BRF1: variants seen among roughly 807,000 people sequenced by gnomAD.
BRF1 encodes the protein transcription factor IIIB 90 kDa subunit.
A neutral mutation model predicts 81.7 loss-of-function variants in BRF1; 59 were observed. That is an observed-to-expected ratio of 0.72 (90% confidence interval 0.59 to 0.90). The LOEUF is 0.90. BRF1 is among the 40% of genes least tolerant of loss of function. BRF1 has a pLI of 0.00. For missense variants in BRF1, 1,050 were observed against 936.3 expected (o/e 1.12, Z -1.58); for synonymous variants, 491 against 395.6 (o/e 1.24, Z -2.86).
At chr14:105,272,141 G>A (rs1413160509) in intron 3 of BRF1, among the ~76,000 whole-genome samples, 1 of 123,962 alleles carries the variant, frequency 8.1e-6, no homozygotes, top group African/African-American at 3.0e-5. Flanking sequence ...CTCGCCCACC[G>A]CCTGCGGTCA....
Position 105,209,799 on chromosome 14 carries a change from C to T in BRF1, c.*752G>A, listed in dbSNP as rs896138035. The T allele has an allele frequency of 1.5e-5, 8 of 520,750 alleles. No homozygotes were observed. The highest frequency in any genetic ancestry group is 2.8e-5 in the South Asian group (1 of 36,200). 32.3% of individuals were successfully genotyped at this position (520,750 alleles called of 1,614,324 possible). A position where few individuals can be genotyped will look rare whatever the true frequency, so the allele number is the denominator to read the frequency against. On this transcript the variant is annotated 3_prime_UTR_variant, in exon 18 of 18. Coordinates refer to ENST00000547530, the MANE Select transcript of BRF1 (RefSeq NM_001519.4). ...ACGGGTGGGCGCCGGTCTCAGCTGT[C>T]GGGCACTCAGTTCACCTGCCGGCAG...
chr14:105,296,076 A>G (rs2057729384), intron 1 of BRF1, among the ~76,000 whole-genome samples: 1 of 106,128 alleles, frequency 9.4e-6, no homozygotes. Context: ...GCGACACTCT[A>G]TCTCAAAAAA....
intron 1 of BRF1, chr14:105,314,411 A>T (rs1595535152): frequency 7.2e-6 from 1 of 139,652 alleles, no homozygotes; most frequent in African/African-American, 2.7e-5. Flanking sequence ...GCTGGCCGGG[A>T]CCCGGTGGAC....
At chr14:105,228,768 G>A (rs2054227900) in intron 7 of BRF1, 52 bp downstream of exon 7, 3 of 1,599,350 alleles carry the variant, frequency 1.9e-6, no homozygotes, top group Non-Finnish European at 2.6e-6. Context: ...GGCCTGAGCT[G>A]GACTGATGAA....
chr14:105,288,924 T>C (rs1300231283), intron 1 of BRF1, among the ~76,000 whole-genome samples: 2 of 151,292 alleles, frequency 1.3e-5, no homozygotes, highest in Admixed American at 6.6e-5. Flanking sequence ...GTGGTCCTAC[T>C]ACTCAGGAGG....
At chr14:105,292,366 G>T (rs587618561) in intron 1 of BRF1, among the ~76,000 whole-genome samples, 2 of 151,888 alleles carry the variant, frequency 1.3e-5, no homozygotes, top group South Asian at 4.2e-4. Context: ...GTATTTTGGG[G>T]TTTTTTCTTG....
At chr14:105,215,321 C>G (rs1313969982) in intron 15 of BRF1, among the ~76,000 whole-genome samples, 1 of 152,110 alleles carries the variant, frequency 6.6e-6, no homozygotes, top group Non-Finnish European at 1.5e-5. Flanking sequence ...TGTAGACATA[C>G]AGGTACACAT....
chr14:105,249,147 A>G, intron 5 of BRF1: 4 of 1,565,320 alleles, frequency 2.6e-6, no homozygotes, highest in Non-Finnish European at 3.4e-6. Flanking sequence ...CCGTGCCTCT[A>G]CCTTTGCAGG....
At chr14:105,216,543 C>T (rs976001007) in intron 15 of BRF1, among the ~76,000 whole-genome samples, 3 of 152,218 alleles carry the variant, frequency 2.0e-5, no homozygotes, top group African/African-American at 7.2e-5. Flanking sequence ...AAGCACCAGC[C>T]TGCCAGGAGG....
intron 7 of BRF1, 125 bp downstream of exon 7, chr14:105,228,695 C>T (rs943138503): frequency 9.1e-7 from 1 of 1,102,042 alleles, no homozygotes; most frequent in Admixed American, 1.9e-5. Context: ...TGGGCTAGGT[C>T]CTGGCCAGCA....
intron 4 of BRF1, among the ~76,000 whole-genome samples, chr14:105,253,339 C>T (rs1164580231): frequency 2.0e-5 from 3 of 152,176 alleles, no homozygotes; most frequent in Non-Finnish European, 4.4e-5. Flanking sequence ...ATAGCCTGGT[C>T]CCTACTGGAG....
chr14:105,211,770 CCT>C, intron 16 of BRF1: 1 of 427,978 alleles, frequency 2.3e-6, no homozygotes, highest in Non-Finnish European at 4.3e-6. Context: ...GTGAAAGACC[CCT>C]GAGCCCTGGA....
At chr14:105,286,515 C>A in intron 1 of BRF1, 139 bp from the exon 2 acceptor site, 1 of 833,528 alleles carries the variant, frequency 1.2e-6, no homozygotes, top group Non-Finnish European at 1.9e-6. Flanking sequence ...GCCCCCCGCA[C>A]CTCCGTCACT....
intron 1 of BRF1, among the ~76,000 whole-genome samples, chr14:105,293,644 C>T (rs758555743): frequency 2.0e-5 from 3 of 152,210 alleles, no homozygotes; most frequent in East Asian, 1.9e-4. Context: ...GCACTGCCAA[C>T]GGCCCCCAAC....
At chr14:105,272,680 C>T (rs781201063) in intron 3 of BRF1, 41 bp downstream of exon 3, 13 of 1,545,340 alleles carry the variant, frequency 8.4e-6, no homozygotes, top group Non-Finnish European at 1.1e-5. Context: ...AACTAAGCAT[C>T]AAGATGGGGC....
In BRF1 at chr14:105,217,800, G is replaced by T. The variant is rs1331981866; in HGVS notation, c.1516C>A (p.Pro506Thr). The T allele has an allele frequency of 5.0e-6, 8 of 1,609,312 alleles. No homozygotes were observed. In the Admixed American group the frequency reaches 6.7e-5, roughly 13 times the overall value. ...KELGIYKEHK[P>T]KKSCKRREPI... ...TCCCGTCGCTTGCAAGACTTCTTGG[G>T]CTTGAGGGAAACAAGCAAGAATGCC... The change falls in exon 15 of 18, where the codon CCC (proline) becomes ACC (threonine). Residue 506 changes from proline (P) to threonine (T), a missense_variant and splice_region_variant. Physicochemically the swap from Pro to Thr is conservative, Grantham distance 38 (BLOSUM62 -1). Around this residue, in one of 2 missense-constraint regions of BRF1, gnomAD observed 1,043 missense variants for 915.4 expected, o/e 1.14. Transcript: ENST00000547530.
At chr14:105,254,195 G>T (rs1317721496) in intron 4 of BRF1, among the ~76,000 whole-genome samples, 1 of 152,226 alleles carries the variant, frequency 6.6e-6, no homozygotes, top group Non-Finnish European at 1.5e-5. Flanking sequence ...TCTCCAAAGG[G>T]CCTTTACATG....
intron 1 of BRF1, among the ~76,000 whole-genome samples, chr14:105,289,426 G>C (rs1003685112): frequency 3.3e-5 from 5 of 152,200 alleles, no homozygotes; most frequent in African/African-American, 1.2e-4. Flanking sequence ...CAGGGCCACA[G>C]TGAGGTGCCT....
intron 2 of BRF1, among the ~76,000 whole-genome samples, chr14:105,273,391 C>G (rs587685515): frequency 6.6e-6 from 1 of 152,240 alleles, no homozygotes; most frequent in Non-Finnish European, 1.5e-5. Context: ...AGCCTCTCCT[C>G]TAAGAGCCAG....
Sources: gnomAD v4.1 joint callset for allele counts (sites outside exome capture counted in the v4.1 genomes callset) on GRCh38, gnomAD v4.1.1 for gene constraint, gnomAD v4.1.1 regional missense constraint, MANE v1.5 for transcripts, NCBI Gene and HGNC (gene_info 2026-07-23, HGNC 2026-07-21) for gene names.